GLIS2: variants seen among roughly 807,000 people sequenced by gnomAD.
GLIS2 encodes zinc finger protein GLIS2.
In GLIS2, 14 loss-of-function variants were observed where a neutral mutation model predicts 35.6. The ratio of observed to expected loss-of-function variants is 0.39; its 90% CI spans 0.26 to 0.61. The LOEUF is 0.61. Among genes scored for constraint, GLIS2 ranks in the 20% least tolerant of loss-of-function variants. GLIS2 has a pLI of 0.48. For synonymous variants in GLIS2, 368 were observed against 325.1 expected (o/e 1.13, Z -1.42); for missense variants, 675 against 713.4 (o/e 0.95, Z 0.61).
At chr16:4,334,517 C>T (rs927629016) in intron 3 of GLIS2, among the ~76,000 whole-genome samples, 4 of 151,864 alleles carry the variant, frequency 2.6e-5, no homozygotes, top group South Asian at 4.2e-4. Flanking sequence ...AGATTACAGG[C>T]GTGAGCCACC....
Position 4,337,518 on chromosome 16 carries a change from G to A in GLIS2, c.1569G>A (p.Val523=), listed in dbSNP as rs371022001. The A allele has an allele frequency of 2.5e-4, 397 of 1,557,774 alleles. 2 individuals are homozygous for A. The Middle Eastern group carries it at 6.4e-3, about 25-fold the overall frequency. Residue 523 remains valine, a synonymous_variant, in exon 7 of 7, where the codon GTG becomes GTA. Transcript: ENST00000433375. ...PGSVLLKPAV[V]N is the part of the protein sequence containing the mutation. ...CGGTGCTGCTCAAACCGGCTGTGGT[G>A]AACTGAGCCCATCCTGCGGACAGTT...
chr16:4,329,790 C>A (rs1031704090), intron 1 of GLIS2, among the ~76,000 whole-genome samples: 4 of 152,212 alleles, frequency 2.6e-5, no homozygotes, highest in African/African-American at 9.7e-5. Context: ...CCGCGAAAGA[C>A]GGGATCTCAC....
At position 4,320,213 on chromosome 16, in the gene GLIS2, G is replaced by A. The variant is rs534786428; in HGVS notation, c.-67+3959G>A. 3.9e-5 allele frequency among the ~76,000 whole-genome samples: 6 copies of A among 152,112 alleles called. No individual in the cohort carries two copies. The highest frequency in any genetic ancestry group is 7.4e-5 in the Non-Finnish European group (5 of 68,000). On this transcript the variant is annotated intron_variant, in intron 1 of 6. Coordinates refer to ENST00000433375, the MANE Select transcript of GLIS2 (RefSeq NM_032575.3). The surrounding 1 kb of genome is among the most constrained non-coding windows in gnomAD (Gnocchi z 5.6). ...GGGAAGGGACGGAGACCCAGCCCTG[G>A]CCCCTTCCTCCAGTCATGGCCAAGG... is the stretch of plus-strand genomic sequence containing the variant.
intron 6 of GLIS2, chr16:4,336,335 C>T: frequency 5.1e-6 from 2 of 392,448 alleles, no homozygotes; most frequent in East Asian, 5.6e-5. Flanking sequence ...TTAGTAGAGA[C>T]GGGGTCTCAC....
At chr16:4,336,375 G>A (rs992054349) in intron 6 of GLIS2, 1 of 473,844 alleles carries the variant, frequency 2.1e-6, no homozygotes. Flanking sequence ...TGGAACTCCT[G>A]GCCTCAAGTG....
intron 1 of GLIS2, among the ~76,000 whole-genome samples, chr16:4,318,610 C>T (rs772293209): frequency 9.2e-5 from 14 of 152,290 alleles, no homozygotes; most frequent in Non-Finnish European, 1.6e-4. Flanking sequence ...GTGAACAGGC[C>T]GGAGGGAAAA....
rs3747572 is a variant in GLIS2 at position 4,335,731 on chromosome 16, A to G, written c.775+338A>G. ...CCATACCAGGACAGCTCTGGTTGTC[A>G]GAGCCACAGACATAATTTTACATTT... On this transcript the variant is annotated intron_variant, in intron 6 of 6. Coordinates refer to ENST00000433375, the MANE Select transcript of GLIS2 (RefSeq NM_032575.3). This position sits in a 1 kb window ranked among gnomAD's most constrained non-coding sequence, Gnocchi z 4.6. The G allele has an allele frequency of 0.2, 65,995 of 331,494 alleles. 11,503 individuals carry two copies. Among genetic ancestry groups the G allele is most frequent in the African/African-American group, 0.59 (28,521 of 48,108 alleles). The allele number at this position is 331,494 out of a possible 1,614,324, so 20.5% of individuals were successfully genotyped here.
intron 1 of GLIS2, among the ~76,000 whole-genome samples, chr16:4,316,840 GT>G (rs2053318998): frequency 6.6e-6 from 1 of 152,184 alleles, no homozygotes; most frequent in Non-Finnish European, 1.5e-5. Context: ...CTCCCCTGCG[GT>G]CCGGGTGGAC....
chr16:4,318,365 G>T (rs1056681115), intron 1 of GLIS2, among the ~76,000 whole-genome samples: 3 of 152,212 alleles, frequency 2.0e-5, no homozygotes, highest in Non-Finnish European at 4.4e-5. Flanking sequence ...AGGGGGGTCA[G>T]GGGGAGGAAA....
At position 4,337,310 on chromosome 16, in the gene GLIS2, G is replaced by C. The variant is rs2053566130; in HGVS notation, c.1361G>C (p.Arg454Thr). 1 of 1,568,478 alleles carries C rather than the reference G, an allele frequency of 6.4e-7. No homozygotes were observed. Among genetic ancestry groups the C allele is most frequent in the African/African-American group, 1.4e-5 (1 of 73,854 alleles). Residue 454 changes from arginine to threonine, a missense_variant, in exon 7 of 7, where the codon AGG (arginine) becomes ACG (threonine). By Grantham distance (71) the Arg-to-Thr change is moderately conservative. Transcript: ENST00000433375. ...AAGGGGCGTGGGTCGGTGCCCACCA[G>C]GGCCCTGGGCATGGAGGGCCACAAG... ...GEKGRGSVPT[R>T]ALGMEGHKTP...
At position 4,337,121 on chromosome 16, in the gene GLIS2, G is replaced by A. The variant is rs746003129; in HGVS notation, c.1172G>A (p.Gly391Asp). ...GCCCTGGCCTGTGGCAACGGTGGGGGCAGTGGGGGTGGGGGGGGCATGGGC... is the reference window on the plus strand; with the variant it reads ...GCCCTGGCCTGTGGCAACGGTGGGGACAGTGGGGGTGGGGGGGGCATGGGC... Reference protein sequence around the residue: ...LSALACGNGGGSGGGGGMGPG... With the variant: ...LSALACGNGGDSGGGGGMGPG... The change falls in exon 7 of 7, where the codon GGC becomes GAC. Residue 391 changes from glycine to aspartate, a missense_variant. Gly to Asp is a moderately conservative substitution (Grantham distance 94). Transcript: ENST00000433375. 1.8e-4 allele frequency: 274 copies of A among 1,536,252 alleles called. No homozygotes were observed. The highest frequency in any genetic ancestry group is 4.3e-4 in the Middle Eastern group (2 of 4,626).
rs11544635 is a variant in GLIS2 at position 4,338,857 on chromosome 16, C to G, written c.*1333C>G. On this transcript the variant is annotated 3_prime_UTR_variant, in exon 7 of 7. Coordinates refer to ENST00000433375, the MANE Select transcript of GLIS2 (RefSeq NM_032575.3). The stretch of plus-strand genomic sequence containing the variant: ...GGGATGGACGCAGCCATGCACCCCC[C>G]ATCTGGGGCCTCTCCCTGCTCCCTC... The G allele has an allele frequency of 0.034, 5,246 of 152,542 alleles. 100 individuals carry two copies. Among genetic ancestry groups the G allele is most frequent in the Middle Eastern group, 0.057 (17 of 296 alleles). 9.4% of individuals were successfully genotyped at this position (152,542 alleles called of 1,614,324 possible). A position where few individuals can be genotyped will look rare whatever the true frequency, so the allele number is the denominator to read the frequency against.
chr16:4,334,670 C>CCAA, intron 3 of GLIS2, 131 bp from the exon 4 acceptor site: 1 of 1,042,990 alleles, frequency 9.6e-7, no homozygotes, highest in Middle Eastern at 2.2e-4. Flanking sequence ...AATAAGGCCA[C>CCAA]ATGCACAGGT....
In GLIS2 at chr16:4,332,077, G is replaced by C. The variant is rs2053502249; in HGVS notation, c.-66-138G>C. On this transcript the variant is annotated intron_variant, in intron 1 of 6. Coordinates refer to ENST00000433375, the MANE Select transcript of GLIS2 (RefSeq NM_032575.3). The surrounding 1 kb of genome is among the most constrained non-coding windows in gnomAD (Gnocchi z 5.4). ...CTCCCCCCATGATAGCTGCCGGCCA[G>C]GTCGCTCGGAGGGTCTCCCTACCCA... The C allele has an allele frequency of 5.9e-6, 4 of 672,806 alleles. No homozygotes were observed. Among genetic ancestry groups the C allele is most frequent in the Non-Finnish European group, 1.1e-5 (4 of 378,524 alleles). 41.7% of individuals were successfully genotyped at this position (672,806 alleles called of 1,614,324 possible).
intron 1 of GLIS2, among the ~76,000 whole-genome samples, chr16:4,319,596 T>A (rs2053353744): frequency 6.6e-6 from 1 of 152,178 alleles, no homozygotes; most frequent in Admixed American, 6.5e-5. Context: ...TCTCAGTGGT[T>A]TCTGAGGTGG....
chr16:4,328,558 G>C (rs888526595), intron 1 of GLIS2, among the ~76,000 whole-genome samples: 6 of 152,198 alleles, frequency 3.9e-5, no homozygotes, highest in Admixed American at 3.9e-4. Context: ...GTGTAGGGCT[G>C]GGGGCAGCTC....
At chr16:4,322,841 G>T (rs1413746733) in intron 1 of GLIS2, among the ~76,000 whole-genome samples, 1 of 152,232 alleles carries the variant, frequency 6.6e-6, no homozygotes, top group Non-Finnish European at 1.5e-5. Context: ...GGCAGGGGAG[G>T]CGTGGGCCAC....
At position 4,335,410 on chromosome 16, in the gene GLIS2, G is replaced by A. The variant is rs563306937; in HGVS notation, c.775+17G>A. The A allele has an allele frequency of 2.1e-5, 34 of 1,611,862 alleles. No individual in the cohort carries two copies. The highest frequency in any genetic ancestry group is 1.7e-4 in the Middle Eastern group (1 of 6,038). On this transcript the variant is annotated intron_variant, in intron 6 of 6. Coordinates refer to ENST00000433375, the MANE Select transcript of GLIS2 (RefSeq NM_032575.3). The surrounding 1 kb of genome is among the most constrained non-coding windows in gnomAD (Gnocchi z 4.6). ...CGCACACAGGTAAGAGGCCGGGGCC[G>A]GGCGGCTTGGCCCATGAAGGGGGCG...
At chr16:4,331,867 T>G (rs974682252) in intron 1 of GLIS2, 1 of 287,052 alleles carries the variant, frequency 3.5e-6, no homozygotes, top group Admixed American at 4.3e-5. Context: ...GAGGATCGCT[T>G]GAGCCTAGGA....
Sources: gnomAD v4.1 joint callset for allele counts (sites outside exome capture counted in the v4.1 genomes callset) on GRCh38, gnomAD v4.1.1 for gene constraint, Gnocchi (gnomAD v3.1) non-coding constraint, MANE v1.5 for transcripts, NCBI Gene and HGNC (gene_info 2026-07-23, HGNC 2026-07-21) for gene names.